FBXL17: variants seen among roughly 807,000 people sequenced by gnomAD.
FBXL17 encodes F-box and leucine rich repeat protein 17.
In FBXL17, 22 loss-of-function variants were observed where a neutral mutation model predicts 66.2. That is an observed-to-expected ratio of 0.33 (90% confidence interval 0.24 to 0.47). The LOEUF (loss-of-function observed/expected upper bound fraction) is 0.47. Ranked by LOEUF, FBXL17 falls within the 20% of genes least tolerant of loss-of-function variation. The probability of loss-of-function intolerance (pLI) is 1.00; values close to 1 mark genes in which losing one functional copy is unlikely to be tolerated. For synonymous variants in FBXL17, 474 were observed against 400.5 expected (o/e 1.18, Z -2.19); for missense variants, 878 against 948.2 (o/e 0.93, Z 0.97).
chr5:107,993,964 T>C (rs1222969017), intron 7 of FBXL17, among the ~76,000 whole-genome samples: 98 of 152,194 alleles, frequency 6.4e-4, no homozygotes, highest in Admixed American at 3.3e-4. Flanking sequence ...CTCTCAGGGC[T>C]GTGGTATAGA....
intron 8 of FBXL17, among the ~76,000 whole-genome samples, chr5:107,871,057 C>CAAAAAAAAACAA (rs1554080824): frequency 1.5e-5 from 1 of 65,892 alleles, no homozygotes; most frequent in Non-Finnish European, 2.7e-5. Context: ...TCTTGGGCGG[C>CAAAAAAAAACAA]AAAAAAAAAA....
At chr5:108,119,880 A>G (rs1750415436) in intron 6 of FBXL17, among the ~76,000 whole-genome samples, 1 of 152,198 alleles carries the variant, frequency 6.6e-6, no homozygotes, top group South Asian at 2.1e-4. Flanking sequence ...TTCAGGAAAT[A>G]AAGAAGGTGG....
chr5:107,879,534 A>C, intron 8 of FBXL17: 2 of 985,440 alleles, frequency 2.0e-6, no homozygotes, highest in Non-Finnish European at 2.4e-6. Flanking sequence ...CATTTCTCTA[A>C]ACATAACTAG....
intron 4 of FBXL17, among the ~76,000 whole-genome samples, chr5:108,288,538 ATGTAGCTC>A (rs902346180): frequency 1.6e-4 from 24 of 147,214 alleles, no homozygotes; most frequent in Non-Finnish European, 2.9e-4. Context: ...ATAGTACATT[ATGTAGCTC>A]TATTGCAAAT....
intron 5 of FBXL17, among the ~76,000 whole-genome samples, chr5:108,215,047 C>CT (rs1204057313): frequency 1.3e-5 from 2 of 152,158 alleles, no homozygotes; most frequent in Non-Finnish European, 2.9e-5. Context: ...GAACATCATT[C>CT]TTTTTCATGG....
At chr5:108,195,053 G>T (rs1335325473) in intron 5 of FBXL17, among the ~76,000 whole-genome samples, 1 of 152,092 alleles carries the variant, frequency 6.6e-6, no homozygotes, top group Non-Finnish European at 1.5e-5. Flanking sequence ...TGATTAAGCA[G>T]CTATTGTGTA....
chr5:108,051,387 A>C (rs1246169634), intron 6 of FBXL17, among the ~76,000 whole-genome samples: 1 of 152,168 alleles, frequency 6.6e-6, no homozygotes, highest in East Asian at 1.9e-4. Context: ...AAACTTATCC[A>C]CCACGGTCAA....
intron 6 of FBXL17, among the ~76,000 whole-genome samples, chr5:108,131,524 A>G (rs1312022495): frequency 1.3e-5 from 2 of 152,148 alleles, no homozygotes; most frequent in Non-Finnish European, 2.9e-5. Context: ...AAATTCTAAT[A>G]AAACATTCCA....
intron 6 of FBXL17, among the ~76,000 whole-genome samples, chr5:108,142,737 A>T (rs1266951919): frequency 6.6e-6 from 1 of 152,096 alleles, no homozygotes; most frequent in Non-Finnish European, 1.5e-5. Flanking sequence ...TCCCCAACAT[A>T]TTAGGAACCA....
intron 8 of FBXL17, among the ~76,000 whole-genome samples, chr5:107,868,361 G>C (rs1330250679): frequency 6.6e-6 from 1 of 152,202 alleles, no homozygotes; most frequent in African/African-American, 2.4e-5. Context: ...CCTTGATAAT[G>C]TTTTCAAAAT....
intron 6 of FBXL17, among the ~76,000 whole-genome samples, chr5:108,043,328 C>G (rs78463157): frequency 0.12 from 18,142 of 152,018 alleles, 1,365 homozygotes; most frequent in East Asian, 0.17. Context: ...TTTTTCCCCC[C>G]CTAGGTTTCT....
chr5:108,198,374 G>A (rs1256138068), intron 5 of FBXL17, among the ~76,000 whole-genome samples: 4 of 152,036 alleles, frequency 2.6e-5, no homozygotes, highest in Admixed American at 1.3e-4. Context: ...AATCAGTTGG[G>A]TCATCCATAC....
At chr5:107,981,331 T>A (rs909785931) in intron 7 of FBXL17, among the ~76,000 whole-genome samples, 3 of 152,234 alleles carry the variant, frequency 2.0e-5, no homozygotes, top group Non-Finnish European at 4.4e-5. Flanking sequence ...GCCTAACATT[T>A]TCTTCTTTAC....
intron 6 of FBXL17, among the ~76,000 whole-genome samples, chr5:108,125,945 A>C (rs1750680501): frequency 6.6e-6 from 1 of 152,126 alleles, no homozygotes; most frequent in South Asian, 2.1e-4. Flanking sequence ...TATATTCTTT[A>C]CGGTCCAAAG....
intron 4 of FBXL17, chr5:108,301,858 C>T (rs1382674878): frequency 1.1e-5 from 2 of 187,486 alleles, no homozygotes. Flanking sequence ...CCTATCATAC[C>T]AATAAATGCC....
intron 4 of FBXL17, among the ~76,000 whole-genome samples, chr5:108,267,263 T>C (rs1390652087): frequency 6.6e-6 from 1 of 152,064 alleles, no homozygotes; most frequent in Non-Finnish European, 1.5e-5. Flanking sequence ...ATCAAATCTT[T>C]GTATATTTGA....
chr5:108,112,954 T>C (rs1750097471), intron 6 of FBXL17, among the ~76,000 whole-genome samples: 1 of 148,182 alleles, frequency 6.7e-6, no homozygotes, highest in South Asian at 2.3e-4. Context: ...TTTTCTTAAT[T>C]CACCATTCAT....
intron 5 of FBXL17, among the ~76,000 whole-genome samples, chr5:108,219,143 T>G (rs2150070137): frequency 6.6e-6 from 1 of 152,340 alleles, no homozygotes; most frequent in Admixed American, 6.5e-5. Flanking sequence ...TTTTAAAATG[T>G]GGGTAATAAT....
chr5:107,862,178 A>G (rs1435418694), intron 8 of FBXL17, among the ~76,000 whole-genome samples: 1 of 152,124 alleles, frequency 6.6e-6, no homozygotes, highest in African/African-American at 2.4e-5. Flanking sequence ...CTTGGGAGGT[A>G]AAGAAGCAGT....
Sources: gnomAD v4.1 joint callset for allele counts (sites outside exome capture counted in the v4.1 genomes callset) on GRCh38, gnomAD v4.1.1 for gene constraint, MANE v1.5 for transcripts, NCBI Gene and HGNC (gene_info 2026-07-23, HGNC 2026-07-21) for gene names.